CYB5R2: variants seen among roughly 807,000 people sequenced by gnomAD.
CYB5R2 encodes the protein cytochrome b5 reductase 2, also known as NADH-cytochrome b5 reductase 2.
CYB5R2 carries 35 observed loss-of-function variants against 29.8 expected under a neutral mutation model. That is an observed-to-expected ratio of 1.17 (90% CI 0.90 to 1.56). The LOEUF is 1.56. Among genes scored for constraint, CYB5R2 ranks in the 40% most tolerant of loss-of-function variants. The pLI, the probability that CYB5R2 is intolerant of heterozygous loss-of-function variation, is 0.00. For synonymous variants in CYB5R2, 169 were observed against 130.6 expected (o/e 1.29, Z -2.01); for missense variants, 419 against 346.7 (o/e 1.21, Z -1.66).
intron 8 of CYB5R2, chr11:7,665,872 TG>T: frequency 6.5e-7 from 1 of 1,535,990 alleles, no homozygotes. Context: ...TCCGGCAGGG[TG>T]TGGCCTGGTG....
chr11:7,669,400 A>G, intron 4 of CYB5R2, 66 bp from the exon 5 acceptor site: 1 of 1,538,662 alleles, frequency 6.5e-7, no homozygotes. Context: ...TACAACTAGA[A>G]AATGCATTTA....
Position 7,673,476 on chromosome 11 carries a change from C to G in CYB5R2, c.-124G>C. ...AAGCCCGACAGGGAAAGTTGCCTCT[C>G]CTCCCGCCGGGTCACTGGAGTCTCA... On this transcript the variant is annotated 5_prime_UTR_variant, in exon 1 of 9. Transcript: ENST00000299498. 1 of 986,502 alleles carries G rather than the reference C, an allele frequency of 1.0e-6. No homozygotes were observed. The highest frequency in any genetic ancestry group is 1.2e-6 in the Non-Finnish European group (1 of 830,758). 61.1% of individuals were successfully genotyped at this position (986,502 alleles called of 1,614,324 possible). A position where few individuals can be genotyped will look rare whatever the true frequency, so the allele number is the denominator to read the frequency against.
At position 7,665,298 on chromosome 11, in the gene CYB5R2, G is replaced by C; in HGVS notation, c.*76C>G. The C allele has an allele frequency of 7.9e-7, 1 of 1,273,076 alleles. No homozygotes were observed. 78.9% of individuals were successfully genotyped at this position (1,273,076 alleles called of 1,614,324 possible). A position where few individuals can be genotyped will look rare whatever the true frequency, so the allele number is the denominator to read the frequency against. On this transcript the variant is annotated 3_prime_UTR_variant, in exon 9 of 9. Coordinates refer to ENST00000299498, the MANE Select transcript of CYB5R2 (RefSeq NM_016229.5). Reference sequence around the variant, plus strand: ...GCAAGGCACTTTTGAAAACATCCCAGTTTACCGTGGTGAAATTGAACTTAC... The same window carrying C: ...GCAAGGCACTTTTGAAAACATCCCACTTTACCGTGGTGAAATTGAACTTAC...
rs1016646450 is a variant in CYB5R2 at position 7,673,314 on chromosome 11, G to A, written c.-67+105C>T. The A allele has an allele frequency of 1.4e-5, 14 of 978,550 alleles. 1 individual carries two copies. In the Middle Eastern group the frequency reaches 1.5e-3, roughly 103 times the overall value. The allele number at this position is 978,550 out of a possible 1,614,324, so 60.6% of individuals were successfully genotyped here. A position where few individuals can be genotyped will look rare whatever the true frequency, so the allele number is the denominator to read the frequency against. On this transcript the variant is annotated intron_variant, in intron 1 of 8. Coordinates refer to ENST00000299498, the MANE Select transcript of CYB5R2 (RefSeq NM_016229.5). ...GGTGCGTAGCTCTAAGAGGTGCCCC[G>A]TGACTTAGGGCCTGGGGACTCCCCA... is the stretch of plus-strand genomic sequence containing the variant.
chr11:7,665,663 C>T, intron 8 of CYB5R2, 117 bp from the exon 9 acceptor site: 3 of 1,246,936 alleles, frequency 2.4e-6, no homozygotes, highest in South Asian at 1.5e-5. Context: ...TCTACAAAGG[C>T]TTAGAAGTCT....
intron 5 of CYB5R2, 116 bp from the exon 6 acceptor site, chr11:7,668,677 A>C: frequency 1.1e-6 from 1 of 871,022 alleles, no homozygotes; most frequent in Non-Finnish European, 1.9e-6. Context: ...GACTGTCTGC[A>C]CCATTTTAAG....
intron 7 of CYB5R2, chr11:7,666,883 C>T (rs921629577): frequency 2.5e-5 from 6 of 239,794 alleles, no homozygotes; most frequent in South Asian, 5.7e-5. Context: ...TACATCTACA[C>T]TGAGCTCTAG....
At chr11:7,666,400 G>A (rs1220682493) in intron 8 of CYB5R2, 51 bp downstream of exon 8, 2 of 1,162,408 alleles carry the variant, frequency 1.7e-6, no homozygotes, top group Non-Finnish European at 2.6e-6. Flanking sequence ...TCCTCAAAGT[G>A]GTCAAGGGTT....
intron 8 of CYB5R2, 70 bp downstream of exon 8, chr11:7,666,381 A>G: frequency 1.0e-6 from 1 of 980,830 alleles, no homozygotes. Context: ...ACAAAGAGAC[A>G]GAGACCAGTC....
In CYB5R2 at chr11:7,672,871, G is replaced by A; in HGVS notation, c.-46C>T. 6.2e-7 allele frequency: 1 copy of A among 1,613,716 alleles called. No individual in the cohort carries two copies. The highest frequency in any genetic ancestry group is 8.5e-7 in the Non-Finnish European group (1 of 1,179,818). ...GCACAGTGACCCCAGTGACGGTGATGGTCAGGAGCAGGGACGGGTCCTGGC... is the reference window on the plus strand; with the variant it reads ...GCACAGTGACCCCAGTGACGGTGATAGTCAGGAGCAGGGACGGGTCCTGGC... On this transcript the variant is annotated 5_prime_UTR_variant, in exon 2 of 9. Coordinates refer to ENST00000299498, the MANE Select transcript of CYB5R2 (RefSeq NM_016229.5).
rs1590888620 is a variant in CYB5R2, at chr11:7,673,460, A to G, written c.-108T>C. 2 of 986,260 alleles carry G rather than the reference A, an allele frequency of 2.0e-6. No individual in the cohort carries two copies. Among genetic ancestry groups the G allele is most frequent in the South Asian group, 4.7e-5 (1 of 21,332 alleles). The allele number at this position is 986,260 out of a possible 1,614,324, so 61.1% of individuals were successfully genotyped here. ...GCTCCTCTCCCAACTCAAGCCCGAC[A>G]GGGAAAGTTGCCTCTCCTCCCGCCG... On this transcript the variant is annotated 5_prime_UTR_variant, in exon 1 of 9. Coordinates refer to ENST00000299498, the MANE Select transcript of CYB5R2 (RefSeq NM_016229.5).
At chr11:7,673,226 G>A in intron 1 of CYB5R2, 193 bp downstream of exon 1, 1 of 451,086 alleles carries the variant, frequency 2.2e-6, no homozygotes, top group Non-Finnish European at 3.5e-6. Context: ...AGGTGAAGGG[G>A]GAGGACATCA....
At chr11:7,672,972 C>T in intron 1 of CYB5R2, 81 bp from the exon 2 acceptor site, 2 of 1,361,290 alleles carry the variant, frequency 1.5e-6, no homozygotes, top group Non-Finnish European at 2.0e-6. Flanking sequence ...AACACCCTCC[C>T]CACACCAAAG....
chr11:7,672,454 C>CTTCCTGT lies in CYB5R2; in HGVS notation c.147_148insACAGGAA (p.Val50ThrfsTer5). 1 of 1,614,150 alleles carries CTTCCTGT rather than the reference C, an allele frequency of 6.2e-7. No individual in the cohort carries two copies. Among genetic ancestry groups the CTTCCTGT allele is most frequent in the Non-Finnish European group, 8.5e-7 (1 of 1,179,986 alleles). ...TGATGACCCAAGCCCGGCTCACCTA[C>CTTCCTGT]AGGAAGCCCTAAGACATGGTCCGGC... On this transcript the variant is annotated frameshift_variant, in exon 3 of 9. Coordinates refer to ENST00000299498, the MANE Select transcript of CYB5R2 (RefSeq NM_016229.5). LOFTEE classifies it high-confidence loss of function.
rs755053589 is a variant in CYB5R2, at chr11:7,669,372, C to G, written c.259-38G>C. 1.3e-5 allele frequency: 21 copies of G among 1,582,656 alleles called. No homozygotes were observed. In the African/African-American group the frequency reaches 2.6e-4, roughly 19 times the overall value. On this transcript the variant is annotated intron_variant, in intron 4 of 8. Transcript: ENST00000299498. Reference sequence around the variant, plus strand: ...GCAGCACTGCTTTCACATTCCCAGACACAATGCCACAGCCACGTACAACTA... The same window carrying G: ...GCAGCACTGCTTTCACATTCCCAGAGACAATGCCACAGCCACGTACAACTA...
rs146956666 is a variant in CYB5R2 at position 7,665,435 on chromosome 11, G to A, written c.770C>T (p.Thr257Met). 80 of 1,612,854 alleles carry A rather than the reference G, an allele frequency of 5.0e-5. No homozygotes were observed. In the Admixed American group the frequency reaches 5.2e-4, roughly 10 times the overall value. Reference sequence around the variant, plus strand: ...CTTCTCCAGGTTAGGGTGAGCCGCCGTCTGGATTAGTGGTGGCGGGCCACA... The same window carrying A: ...CTTCTCCAGGTTAGGGTGAGCCGCCATCTGGATTAGTGGTGGCGGGCCACA... ...LVCGPPPLIQ[T>M]AAHPNLEKLG... The change falls in exon 9 of 9, where the codon ACG (threonine) becomes ATG (methionine). Residue 257 changes from threonine (T) to methionine (M), a missense_variant. Transcript: ENST00000299498.
chr11:7,669,881 A>G (rs915377098), intron 3 of CYB5R2, 150 bp from the exon 4 acceptor site: 2 of 635,990 alleles, frequency 3.1e-6, no homozygotes, highest in African/African-American at 3.7e-5. Flanking sequence ...GAACCCAAAT[A>G]TGGGATGCCC....
chr11:7,666,500 A>G lies in CYB5R2; in HGVS notation c.609T>C (p.Thr203=), dbSNP rs761650281. Residue 203 remains threonine, a synonymous_variant, in exon 8 of 9, where the codon ACT becomes ACC. Coordinates refer to ENST00000299498, the MANE Select transcript of CYB5R2 (RefSeq NM_016229.5). Reference sequence around the variant, plus strand: ...ACCACAGGTTGAACTGGTCTGGGTGAGTCCTGGCAATTTCTTCAAGCTCTT... The same window carrying G: ...ACCACAGGTTGAACTGGTCTGGGTGGGTCCTGGCAATTTCTTCAAGCTCTT... ...VRKELEEIAR[T]HPDQFNLWYT... The G allele has an allele frequency of 9.9e-6, 16 of 1,613,460 alleles. No homozygotes were observed. Among genetic ancestry groups the G allele is most frequent in the Non-Finnish European group, 1.4e-5 (16 of 1,179,598 alleles).
chr11:7,668,191 G>A (rs1210076490), intron 6 of CYB5R2, among the ~76,000 whole-genome samples: 1 of 152,222 alleles, frequency 6.6e-6, no homozygotes, highest in East Asian at 1.9e-4. Context: ...GGAGAGTCAG[G>A]CTTGAACTGG....
Sources: gnomAD v4.1 joint callset for allele counts (sites outside exome capture counted in the v4.1 genomes callset) on GRCh38, gnomAD v4.1.1 for gene constraint, MANE v1.5 for transcripts, NCBI Gene and HGNC (gene_info 2026-07-23, HGNC 2026-07-21) for gene names.